Variants in MAP3K19 observed in about 807,000 individuals in gnomAD.
The protein encoded by MAP3K19 is mitogen-activated protein kinase kinase kinase 19, also known as SPS1/STE20-related protein kinase YSK4.
A neutral mutation model predicts 114.4 loss-of-function variants in MAP3K19; 91 were observed. The ratio of observed to expected loss-of-function variants is 0.80; its 90% confidence interval spans 0.67 to 0.95. MAP3K19 has a LOEUF of 0.95. Among genes scored for constraint, MAP3K19 ranks in the 40% least tolerant of loss-of-function variants. The pLI is 0.00. For missense variants in MAP3K19, 1,471 were observed against 1,573.2 expected, an observed-to-expected ratio of 0.94 and a Z score of 1.10; for synonymous variants, 518 against 530.5, an observed-to-expected ratio of 0.98 and a Z score of 0.32.
chr2:135,001,842 T>C (rs2105301221), intron 6 of MAP3K19, among the ~76,000 whole-genome samples: 1 of 152,352 alleles, frequency 6.6e-6, no homozygotes, highest in Admixed American at 6.5e-5. Context: ...ATCAGCTGAC[T>C]TCTTTTTCAA....
At chr2:135,036,632 A>G (rs1368821987) in intron 2 of MAP3K19, among the ~76,000 whole-genome samples, 4 of 138,382 alleles carry the variant, frequency 2.9e-5, no homozygotes, top group Non-Finnish European at 4.5e-5. Context: ...TTGGAGTTCA[A>G]CATTATGTGT....
intron 2 of MAP3K19, among the ~76,000 whole-genome samples, chr2:135,037,800 A>G (rs1688564487): frequency 6.6e-6 from 1 of 152,178 alleles, no homozygotes; most frequent in Non-Finnish European, 1.5e-5. Context: ...AACTCACTGC[A>G]TGTTCAGGGG....
chr2:134,997,057 CAACAAACAAACA>C (rs371868206), intron 8 of MAP3K19, among the ~76,000 whole-genome samples: 6 of 151,820 alleles, frequency 4.0e-5, no homozygotes, highest in Non-Finnish European at 8.8e-5. Flanking sequence ...TCAAACAAAC[CAACAAACAAACA>C]AACAAACAAA....
intron 5 of MAP3K19, among the ~76,000 whole-genome samples, chr2:135,017,898 T>C (rs1435108848): frequency 7.2e-5 from 11 of 152,224 alleles, no homozygotes; most frequent in Non-Finnish European, 1.0e-4. Context: ...TGTTGTTTTA[T>C]GTACCACTAA....
chr2:134,999,874 C>T lies in MAP3K19; in HGVS notation c.314+63G>A. The T allele has an allele frequency of 9.7e-7, 1 of 1,035,900 alleles. No homozygotes were observed. Among genetic ancestry groups the T allele is most frequent in the Non-Finnish European group, 1.5e-6 (1 of 655,802 alleles). The allele number at this position is 1,035,900 out of a possible 1,614,324, so 64.2% of individuals were successfully genotyped here. ...ATTCAATTACTAATAATGTAGGTTGCCATATGACTATCATTGCTTCATACT... is the reference window on the plus strand; with the variant it reads ...ATTCAATTACTAATAATGTAGGTTGTCATATGACTATCATTGCTTCATACT... On this transcript the variant is annotated intron_variant, in intron 7 of 12. Transcript: ENST00000392915. This position sits in a 1 kb window ranked among gnomAD's most constrained non-coding sequence, Gnocchi z 4.1.
Position 134,999,859 on chromosome 2 carries a change from T to C in MAP3K19, c.314+78A>G. 1 of 934,146 alleles carries C rather than the reference T, an allele frequency of 1.1e-6. No individual in the cohort carries two copies. The highest frequency in any genetic ancestry group is 1.8e-6 in the Non-Finnish European group (1 of 569,150). The allele number at this position is 934,146 out of a possible 1,614,324, so 57.9% of individuals were successfully genotyped here. On this transcript the variant is annotated intron_variant, in intron 7 of 12. Coordinates refer to ENST00000392915, the MANE Select transcript of MAP3K19 (RefSeq NM_025052.5). The surrounding 1 kb of genome is among the most constrained non-coding windows in gnomAD (Gnocchi z 4.1). The stretch of plus-strand genomic sequence containing the variant: ...TAAGCATTATTATGGATTCAATTAC[T>C]AATAATGTAGGTTGCCATATGACTA...
At chr2:135,018,281 CAAAAAAAAAAA>C (rs781510594) in intron 5 of MAP3K19, among the ~76,000 whole-genome samples, 3 of 58,278 alleles carry the variant, frequency 5.1e-5, no homozygotes, top group Admixed American at 2.2e-4. Context: ...GCAACAACAG[CAAAAAAAAAAA>C]AAAAAAAAAA....
chr2:135,036,498 A>G (rs1688530292), intron 2 of MAP3K19, among the ~76,000 whole-genome samples: 1 of 152,220 alleles, frequency 6.6e-6, no homozygotes, highest in Non-Finnish European at 1.5e-5. Flanking sequence ...ATTTGATTTC[A>G]TAAGATGGGT....
chr2:134,969,782 A>C (rs1265653504), intron 12 of MAP3K19, among the ~76,000 whole-genome samples: 2 of 152,122 alleles, frequency 1.3e-5, no homozygotes, highest in African/African-American at 2.4e-5. Context: ...TATTTAATCA[A>C]TTTTGAGTTG....
rs763429203 is a variant in MAP3K19 at position 134,986,720 on chromosome 2, G to A, written c.2152C>T (p.Gln718Ter). The A allele has an allele frequency of 9.9e-6, 16 of 1,613,942 alleles. No individual in the cohort carries two copies. The highest frequency in any genetic ancestry group is 1.3e-5 in the Non-Finnish European group (15 of 1,179,964). ...RKSNIRTRLS[Q>*]KKTHMKCPKT... ...GGGCATTTCATATGTGTTTTTTTCT[G>A]AGAAAGTCTTGTTCTGATATTGCTC... The change falls in exon 10 of 13, where the codon CAG (glutamine) becomes TAG (stop). Residue 718 changes from glutamine to a stop codon, truncating the protein, a stop_gained. Coordinates refer to ENST00000392915, the MANE Select transcript of MAP3K19 (RefSeq NM_025052.5). LOFTEE classifies it high-confidence loss of function.
chr2:135,040,606 T>G (rs1304217147), intron 1 of MAP3K19, 104 bp from the exon 2 acceptor site: 1 of 152,588 alleles, frequency 6.6e-6, no homozygotes, highest in Non-Finnish European at 1.5e-5. Flanking sequence ...AAGCTGTGAG[T>G]GGTTCAAATG....
At chr2:135,011,994 T>TA (rs1237578076) in intron 5 of MAP3K19, among the ~76,000 whole-genome samples, 1 of 152,204 alleles carries the variant, frequency 6.6e-6, no homozygotes, top group Non-Finnish European at 1.5e-5. Flanking sequence ...ACCATAAAAA[T>TA]AAAAAGTATG....
chr2:134,974,970 G>A (rs934141328), intron 12 of MAP3K19, among the ~76,000 whole-genome samples: 97 of 152,256 alleles, frequency 6.4e-4, no homozygotes, highest in African/African-American at 2.3e-3. Flanking sequence ...TGTAAACAGC[G>A]CCAGTGGTGT....
Position 134,986,434 on chromosome 2 carries a change from ACTT to A in MAP3K19, c.2435_2437del (p.Glu812del). 1 of 1,614,042 alleles carries A rather than the reference ACTT, an allele frequency of 6.2e-7. No homozygotes were observed. Among genetic ancestry groups the A allele is most frequent in the Non-Finnish European group, 8.5e-7 (1 of 1,180,036 alleles). Reference sequence around the variant, plus strand: ...ATCACCAGTAGACTCTTCCATAGAAACTTCTTCAACAATGGATAAATCTGAGAC... The same window carrying A: ...ATCACCAGTAGACTCTTCCATAGAAACTTCAACAATGGATAAATCTGAGAC... On this transcript the variant is annotated inframe_deletion, in exon 10 of 13. Coordinates refer to ENST00000392915, the MANE Select transcript of MAP3K19 (RefSeq NM_025052.5).
chr2:134,984,874 C>A (rs1684982739), intron 10 of MAP3K19, among the ~76,000 whole-genome samples: 2 of 152,280 alleles, frequency 1.3e-5, no homozygotes, highest in African/African-American at 4.8e-5. Context: ...ATCGCTTTAA[C>A]CCAGGAGGTG....
rs1688352453 is a variant in MAP3K19 at position 135,030,381 on chromosome 2, G to C, written c.-164C>G. Reference sequence around the variant, plus strand: ...GTAGAAGTTGCATTTGGGGAGCCTGGATTCTATTGACTGCCAAGAGTTGTC... The same window carrying C: ...GTAGAAGTTGCATTTGGGGAGCCTGCATTCTATTGACTGCCAAGAGTTGTC... On this transcript the variant is annotated 5_prime_UTR_variant, in exon 3 of 13. In the 5' UTR this introduces an upstream ATG that the reference lacks. Transcript: ENST00000392915. 6.6e-6 allele frequency: 1 copy of C among 152,618 alleles called. No homozygotes were observed. Among genetic ancestry groups the C allele is most frequent in the Non-Finnish European group, 1.5e-5 (1 of 68,036 alleles). 9.5% of individuals were successfully genotyped at this position (152,618 alleles called of 1,614,324 possible).
Position 134,981,489 on chromosome 2 carries a change from C to T in MAP3K19, c.3252G>A (p.Gln1084=). 1 of 1,613,920 alleles carries T rather than the reference C, an allele frequency of 6.2e-7. No homozygotes were observed. The highest frequency in any genetic ancestry group is 8.5e-7 in the Non-Finnish European group (1 of 1,179,848). The change falls in exon 12 of 13, where the codon CAG becomes CAA. Residue 1084 remains glutamine (Q), a synonymous_variant. Transcript: ENST00000392915. ...TVYCGLTSQG[Q]LIAVKQVALD... ...AAGCCACCTGTTTTACAGCTATTAG[C>T]TGTCCTTGACTAGTGAGACCACAGT...
chr2:134,992,519 C>T (rs1246100760), intron 8 of MAP3K19, among the ~76,000 whole-genome samples: 2 of 152,168 alleles, frequency 1.3e-5, no homozygotes, highest in Admixed American at 1.3e-4. Context: ...AAACAGTTCA[C>T]AGAAATGGAT....
At chr2:134,965,599 CTT>C (rs1559129145) in intron 12 of MAP3K19, among the ~76,000 whole-genome samples, 1 of 152,022 alleles carries the variant, frequency 6.6e-6, no homozygotes, top group Non-Finnish European at 1.5e-5. Context: ...AATTGGCCAT[CTT>C]TTGATTTTTT....
Sources: allele counts gnomAD v4.1 joint callset (sites outside exome capture counted in the v4.1 genomes callset), GRCh38; gene constraint gnomAD v4.1.1; non-coding constraint Gnocchi (gnomAD v3.1); transcripts MANE v1.5; gene names NCBI Gene and HGNC (gene_info 2026-07-23, HGNC 2026-07-21).